GALNT17: variants seen among roughly 807,000 people sequenced by gnomAD.
GALNT17 encodes polypeptide N-acetylgalactosaminyltransferase 17.
GALNT17 carries 29 observed loss-of-function variants against 63.7 expected under a neutral mutation model. The observed-to-expected ratio is 0.46, with a 90% CI of 0.34 to 0.62. The LOEUF (loss-of-function observed/expected upper bound fraction) is 0.62. Among genes scored for constraint, GALNT17 ranks in the 20% least tolerant of loss-of-function variants. The pLI, the probability that GALNT17 is intolerant of heterozygous loss-of-function variation, is 0.01. For missense variants in GALNT17, 603 were observed against 799.6 expected (o/e 0.75, Z 2.97); for synonymous variants, 305 against 318.3 (o/e 0.96, Z 0.45).
At chr7:71,423,227 C>A (rs964867306) in intron 5 of GALNT17, among the ~76,000 whole-genome samples, 3 of 152,192 alleles carry the variant, frequency 2.0e-5, no homozygotes, top group Non-Finnish European at 2.9e-5. Flanking sequence ...GAGGGTGGAG[C>A]CCTTGCCAGG....
intron 5 of GALNT17, among the ~76,000 whole-genome samples, chr7:71,424,921 A>G (rs767601750): frequency 1.3e-5 from 2 of 152,216 alleles, no homozygotes. Flanking sequence ...AACATAATAT[A>G]GGAGATTTGC....
chr7:71,159,517 A>T (rs533067493), intron 1 of GALNT17, among the ~76,000 whole-genome samples: 7 of 151,054 alleles, frequency 4.6e-5, no homozygotes, highest in African/African-American at 1.7e-4. Flanking sequence ...TTTCTCACTC[A>T]CAATGTCATC....
intron 1 of GALNT17, among the ~76,000 whole-genome samples, chr7:71,238,825 C>T (rs533617604): frequency 5.3e-5 from 8 of 152,274 alleles, no homozygotes; most frequent in South Asian, 2.1e-4. Flanking sequence ...TACAATGCAG[C>T]AGAGACCATG....
Position 71,693,345 on chromosome 7 carries a change from A to G in GALNT17, c.1500+16039A>G, listed in dbSNP as rs990446749. ...ATGGAGACAAGACCAAAACAATGCA[A>G]TGTGAGATCCTGGGTTGGATCCTGG... On this transcript the variant is annotated intron_variant, in intron 9 of 10. Coordinates refer to ENST00000333538, the MANE Select transcript of GALNT17 (RefSeq NM_022479.3). Among the ~76,000 whole-genome samples, 2 of 144,776 alleles carry G rather than the reference A, an allele frequency of 1.4e-5. 1 individual carries two copies. Among genetic ancestry groups the G allele is most frequent in the Admixed American group, 1.4e-4 (2 of 14,086 alleles). 95.0% of individuals were successfully genotyped at this position (144,776 alleles called of 152,430 possible).
chr7:71,440,249 G>T (rs1787041211), intron 5 of GALNT17, among the ~76,000 whole-genome samples: 2 of 151,970 alleles, frequency 1.3e-5, no homozygotes, highest in East Asian at 1.9e-4. Context: ...ATCCTGAAAG[G>T]CTGAAAAGTA....
chr7:71,220,503 T>C (rs1264003656), intron 1 of GALNT17, among the ~76,000 whole-genome samples: 1 of 152,202 alleles, frequency 6.6e-6, no homozygotes, highest in Non-Finnish European at 1.5e-5. Context: ...CACCCAGCCA[T>C]GACCACCTGG....
At chr7:71,674,480 C>T (rs1367273571) in intron 8 of GALNT17, among the ~76,000 whole-genome samples, 1 of 151,656 alleles carries the variant, frequency 6.6e-6, no homozygotes, top group Non-Finnish European at 1.5e-5. Flanking sequence ...CTAGTAGCTG[C>T]TACCACAGGT....
chr7:71,626,536 C>G (rs11762927), intron 6 of GALNT17, among the ~76,000 whole-genome samples: 1 of 151,962 alleles, frequency 6.6e-6, no homozygotes, highest in African/African-American at 2.4e-5. Flanking sequence ...TGAACTCAGG[C>G]TTACCTCTTT....
intron 2 of GALNT17, among the ~76,000 whole-genome samples, chr7:71,349,233 T>G (rs77458772): frequency 2.0e-5 from 3 of 152,066 alleles, no homozygotes; most frequent in African/African-American, 7.3e-5. Flanking sequence ...GGTGCTTTCG[T>G]AACAAGCTGA....
intron 1 of GALNT17, among the ~76,000 whole-genome samples, chr7:71,323,258 G>A (rs1415223764): frequency 6.6e-6 from 1 of 152,138 alleles, no homozygotes; most frequent in Non-Finnish European, 1.5e-5. Context: ...TATAAACCAG[G>A]AATGCAGTGT....
At chr7:71,453,502 C>T (rs1485960244) in intron 5 of GALNT17, among the ~76,000 whole-genome samples, 1 of 152,182 alleles carries the variant, frequency 6.6e-6, no homozygotes, top group East Asian at 1.9e-4. Context: ...CATCAGATCT[C>T]ATGAGACTTA....
chr7:71,329,387 A>G (rs1253664545), intron 1 of GALNT17, among the ~76,000 whole-genome samples: 2 of 152,204 alleles, frequency 1.3e-5, no homozygotes, highest in East Asian at 3.9e-4. Flanking sequence ...CATTATATGT[A>G]TGACCTATAT....
In GALNT17 at chr7:71,147,278, G is replaced by A. The variant is rs2116198997; in HGVS notation, c.238+14238G>A. On this transcript the variant is annotated intron_variant, in intron 1 of 10. Transcript: ENST00000333538. ...GTAGGCTTTTCTGCAAGTTTCAGGA[G>A]CAAGGAGAGCCTGTCCAAGTCCCCA... is the stretch of plus-strand genomic sequence containing the variant. Among the ~76,000 whole-genome samples the A allele has an allele frequency of 2.0e-5, 3 of 152,270 alleles. No individual in the cohort carries two copies. The Middle Eastern group carries it at 0.01, about 518-fold the overall frequency.
At chr7:71,271,275 G>A (rs967323077) in intron 1 of GALNT17, among the ~76,000 whole-genome samples, 10 of 152,140 alleles carry the variant, frequency 6.6e-5, no homozygotes, top group East Asian at 3.9e-4. Flanking sequence ...CCTGTCACGC[G>A]CCTTCCAGTG....
intron 1 of GALNT17, among the ~76,000 whole-genome samples, chr7:71,228,800 G>A (rs60295099): frequency 0.022 from 3,368 of 152,264 alleles, 125 homozygotes; most frequent in African/African-American, 0.076. Flanking sequence ...CATCTCAGGA[G>A]CCCTAACTTG....
chr7:71,649,612 AACACACACACACAC>A (rs148658729), intron 6 of GALNT17, among the ~76,000 whole-genome samples: 1 of 146,158 alleles, frequency 6.8e-6, no homozygotes, highest in African/African-American at 2.5e-5. Context: ...TTCAGGATTA[AACACACACACACAC>A]ACACACACAC....
intron 1 of GALNT17, among the ~76,000 whole-genome samples, chr7:71,176,689 C>T (rs1445149656): frequency 6.6e-6 from 1 of 152,040 alleles, no homozygotes; most frequent in Non-Finnish European, 1.5e-5. Flanking sequence ...TGCTAGCCTC[C>T]CTGGGTCCCT....
At chr7:71,343,580 C>T (rs1792041968) in intron 2 of GALNT17, among the ~76,000 whole-genome samples, 1 of 152,154 alleles carries the variant, frequency 6.6e-6, no homozygotes, top group Non-Finnish European at 1.5e-5. Context: ...GAATCCCAAG[C>T]TGTCAGTCTT....
intron 6 of GALNT17, among the ~76,000 whole-genome samples, chr7:71,622,075 T>C (rs1238842436): frequency 3.9e-5 from 6 of 152,184 alleles, no homozygotes; most frequent in Non-Finnish European, 8.8e-5. Context: ...TACTTTGGAA[T>C]GGTGGCCCTG....
Sources: gnomAD v4.1 joint callset for allele counts (sites outside exome capture counted in the v4.1 genomes callset) on GRCh38, gnomAD v4.1.1 for gene constraint, MANE v1.5 for transcripts, NCBI Gene and HGNC (gene_info 2026-07-23, HGNC 2026-07-21) for gene names.